The following ACADVL variants were observed in gnomAD, a reference collection of about 807,000 sequenced individuals.
The protein encoded by ACADVL is very long-chain acyl-CoA dehydrogenase, mitochondrial.
ACADVL carries 73 observed loss-of-function variants against 80.4 expected under a neutral mutation model. That is an observed-to-expected ratio of 0.91 (90% confidence interval 0.75 to 1.10). The LOEUF (loss-of-function observed/expected upper bound fraction) is 1.10, where lower values mean the gene tolerates loss of function less well. Among genes scored for constraint, ACADVL ranks in the 50% least tolerant of loss-of-function variants. The pLI, the probability that ACADVL is intolerant of heterozygous loss-of-function variation, is 0.00. For synonymous variants in ACADVL, 392 were observed against 326.5 expected (o/e 1.20, Z -2.16); for missense variants, 878 against 858.9 (o/e 1.02, Z -0.28).
In ACADVL at chr17:7,225,087, T is replaced by C. The variant is rs776166014; in HGVS notation, c.1958T>C (p.Leu653Pro). 2 of 1,614,106 alleles carry C rather than the reference T, an allele frequency of 1.2e-6. No homozygotes were observed. Among genetic ancestry groups the C allele is most frequent in the Admixed American group, 3.3e-5 (2 of 60,020 alleles). ...GGTGGTGTGGTCACCAGCAACCCAC[T>C]TGGCTTCTGAATACTCCCGGCCAGG... ...ERGGVVTSNP[L>P]GF The change falls in exon 20 of 20, where the codon CTT becomes CCT. Residue 653 changes from leucine to proline, a missense_variant. By Grantham distance (98) the Leu-to-Pro change is moderately conservative (BLOSUM62 -3). Coordinates refer to ENST00000356839, the MANE Select transcript of ACADVL (RefSeq NM_000018.4).
In ACADVL at chr17:7,224,383, G is replaced by A. The variant is rs1453818885; in HGVS notation, c.1595G>A (p.Ser532Asn). 4 of 1,613,746 alleles carry A rather than the reference G, an allele frequency of 2.5e-6. No individual in the cohort carries two copies. The highest frequency in any genetic ancestry group is 3.4e-6 in the Non-Finnish European group (4 of 1,179,920). Residue 532 changes from serine (S) to asparagine (N), a missense_variant, in exon 16 of 20, where the codon AGT (serine) becomes AAT (asparagine). Coordinates refer to ENST00000356839, the MANE Select transcript of ACADVL (RefSeq NM_000018.4). ...SGLVHPELSRSGELAVRALEQ... is the reference protein window; with the variant it reads ...SGLVHPELSRNGELAVRALEQ... ...CTTGTCCACCCGGAGTTGAGTCGGA[G>A]TGGCGAGCTGGTAAGTGGCCAGGGG...
At chr17:7,222,583 G>A (rs759614498) in intron 9 of ACADVL, 84 bp from the exon 10 acceptor site, 99 of 1,391,024 alleles carry the variant, frequency 7.1e-5, no homozygotes, top group Non-Finnish European at 8.5e-5. Context: ...TTCCTCCCTG[G>A]TGCATAAGGA....
At chr17:7,221,380 C>G in intron 6 of ACADVL, 158 bp from the exon 7 acceptor site, 1 of 1,324,728 alleles carries the variant, frequency 7.5e-7, no homozygotes, top group East Asian at 2.3e-5. Context: ...CTTTGCACAC[C>G]CCACTTCTTT....
Position 7,225,052 on chromosome 17 carries a change from G to C in ACADVL, c.1923G>C (p.Leu641Phe), listed in dbSNP as rs1452402269. ...ACTTCAAAAGCATCTCCAAGGCCTT[G>C]GTGGAGCGGGGTGGTGTGGTCACCA... is the stretch of plus-strand genomic sequence containing the variant. ...YRNFKSISKA[L>F]VERGGVVTSN... Residue 641 changes from leucine (L) to phenylalanine (F), a missense_variant, in exon 20 of 20, where the codon TTG becomes TTC. Transcript: ENST00000356839. 6.8e-6 allele frequency: 11 copies of C among 1,614,112 alleles called. No individual in the cohort carries two copies. Among genetic ancestry groups the C allele is most frequent in the Non-Finnish European group, 9.3e-6 (11 of 1,180,032 alleles).
At chr17:7,220,561 C>T in intron 3 of ACADVL, 32 bp downstream of exon 3, 1 of 1,614,198 alleles carries the variant, frequency 6.2e-7, no homozygotes, top group Non-Finnish European at 8.5e-7. Flanking sequence ...TGGACCTTAG[C>T]CAGACCCAAC....
chr17:7,219,422 G>C (rs995669684), upstream of ACADVL: 1 of 1,018,408 alleles, frequency 9.8e-7, no homozygotes, highest in Non-Finnish European at 1.2e-6. Context: ...AACTGTAGCT[G>C]TTCCAAGAGT....
upstream of ACADVL, chr17:7,219,397 G>A (rs1039553838): frequency 1.3e-5 from 13 of 1,013,854 alleles, no homozygotes; most frequent in Admixed American, 5.3e-5. Flanking sequence ...ATCTGGGGGG[G>A]TCTTCCTACT....
chr17:7,220,436 T>G, intron 2 of ACADVL, 28 bp from the exon 3 acceptor site: 1 of 1,613,998 alleles, frequency 6.2e-7, no homozygotes, highest in Non-Finnish European at 8.5e-7. Flanking sequence ...GTCCCTTCCC[T>G]GAACTTGCTA....
intron 10 of ACADVL, 88 bp from the exon 11 acceptor site, chr17:7,223,045 C>A: frequency 6.7e-7 from 1 of 1,486,194 alleles, no homozygotes; most frequent in Non-Finnish European, 9.4e-7. Flanking sequence ...TATGCAAAAC[C>A]CATCCCTCTG....
chr17:7,217,711 G>C, upstream of ACADVL: 9 of 1,534,716 alleles, frequency 5.9e-6, no homozygotes, highest in Non-Finnish European at 7.9e-6. Flanking sequence ...CTTCTGTGCT[G>C]GCAGGAACCC....
At chr17:7,222,622 A>C in intron 9 of ACADVL, 45 bp from the exon 10 acceptor site, 1 of 1,557,662 alleles carries the variant, frequency 6.4e-7, no homozygotes, top group Non-Finnish European at 8.8e-7. Context: ...CCCCAGTGAC[A>C]ACCTGTTGAA....
At chr17:7,222,601 A>G in intron 9 of ACADVL, 66 bp from the exon 10 acceptor site, 1 of 1,481,138 alleles carries the variant, frequency 6.8e-7, no homozygotes, top group Middle Eastern at 1.8e-4. Context: ...GGAGCGAAGG[A>G]GCAGTTTTTC....
upstream of ACADVL, chr17:7,217,813 G>C: frequency 6.5e-7 from 1 of 1,534,992 alleles, no homozygotes. Context: ...CAGCAAAGAC[G>C]ATGAGGCTGG....
chr17:7,224,833 C>T lies in ACADVL; in HGVS notation c.1776C>T (p.Gly592=), dbSNP rs992021737. 1.2e-6 allele frequency: 2 copies of T among 1,613,936 alleles called. No homozygotes were observed. The highest frequency in any genetic ancestry group is 1.7e-6 in the Non-Finnish European group (2 of 1,180,034). ...GGGCCTCAAGATCCCTGAGTGAGGG[C>T]CACCCCACGGCCCAGCATGAGAAAA... ...LSRASRSLSE[G]HPTAQHEKML... is the part of the protein sequence containing the mutation. The change falls in exon 19 of 20, where the codon GGC becomes GGT. Residue 592 remains glycine, a synonymous_variant. Coordinates refer to ENST00000356839, the MANE Select transcript of ACADVL (RefSeq NM_000018.4).
chr17:7,222,819 T>C lies in ACADVL; in HGVS notation c.1031T>C (p.Met344Thr). Residue 344 changes from methionine to threonine, a missense_variant, in exon 10 of 20, where the codon ATG (methionine) becomes ACG (threonine). Coordinates refer to ENST00000356839, the MANE Select transcript of ACADVL (RefSeq NM_000018.4). ...MHILNNGRFG[M>T]AAALAGTMRG... Reference sequence around the variant, plus strand: ...ATCCTCAACAATGGAAGGTTTGGCATGGCTGCGGCCCTGGCAGGTACCATG... The same window carrying C: ...ATCCTCAACAATGGAAGGTTTGGCACGGCTGCGGCCCTGGCAGGTACCATG... The C allele has an allele frequency of 1.2e-6, 2 of 1,613,584 alleles. No individual in the cohort carries two copies. Among genetic ancestry groups the C allele is most frequent in the Middle Eastern group, 1.7e-4 (1 of 5,720 alleles).
Position 7,222,319 on chromosome 17 carries a change from TG to T in ACADVL, c.878+22del. Reference sequence around the variant, plus strand: ...CATTACCCAGTGAGTGAATTTGGGTTGGGGGAGCTTAGGACTGAGGGGCAGG... The same window carrying T: ...CATTACCCAGTGAGTGAATTTGGGTTGGGGAGCTTAGGACTGAGGGGCAGG... On this transcript the variant is annotated intron_variant, in intron 9 of 19. Transcript: ENST00000356839. 3.1e-6 allele frequency: 5 copies of T among 1,612,974 alleles called. No individual in the cohort carries two copies. The highest frequency in any genetic ancestry group is 4.2e-6 in the Non-Finnish European group (5 of 1,179,474).
intron 13 of ACADVL, 22 bp downstream of exon 13, chr17:7,223,897 A>C (rs750764041): frequency 6.2e-7 from 1 of 1,613,958 alleles, no homozygotes; most frequent in Non-Finnish European, 8.5e-7. Flanking sequence ...TCTTCTGCAG[A>C]GCCTCGGCTG....
chr17:7,217,632 A>G (rs1438124761), upstream of ACADVL: 1 of 1,133,278 alleles, frequency 8.8e-7, no homozygotes, highest in Non-Finnish European at 1.2e-6. Context: ...AGGAGGAGAG[A>G]GGAAGCAGGG....
At chr17:7,217,899 C>A, upstream of ACADVL, 1 of 1,369,148 alleles carries the variant, frequency 7.3e-7, no homozygotes, top group Admixed American at 2.0e-5. Flanking sequence ...GGGAGGGAGG[C>A]CTCTCGGCAG....
Sources: allele counts gnomAD v4.1 joint callset, GRCh38; gene constraint gnomAD v4.1.1; transcripts MANE v1.5; gene names NCBI Gene and HGNC (gene_info 2026-07-23, HGNC 2026-07-21).